RFC3: variants seen among roughly 807,000 people sequenced by gnomAD.
RFC3 encodes the protein A1 38 kDa subunit.
RFC3 carries 41 observed loss-of-function variants against 45.1 expected under a neutral mutation model. That is an observed-to-expected ratio of 0.91 (90% CI 0.71 to 1.18). The LOEUF (loss-of-function observed/expected upper bound fraction) is 1.18. RFC3 is among the 50% of genes most tolerant of loss of function. RFC3 has a pLI of 0.00. For synonymous variants in RFC3, 149 were observed against 144.0 expected, an observed-to-expected ratio of 1.03 and a Z score of -0.25; for missense variants, 423 against 428.1, an observed-to-expected ratio of 0.99 and a Z score of 0.10.
intron 8 of RFC3, among the ~76,000 whole-genome samples, chr13:33,906,492 T>C (rs1766200281): frequency 6.9e-6 from 1 of 145,304 alleles, no homozygotes; most frequent in Admixed American, 6.9e-5. Flanking sequence ...TCACTTTCCA[T>C]GAAGACGCAA....
chr13:33,931,058 T>A (rs145384117), intron 8 of RFC3, among the ~76,000 whole-genome samples: 1 of 152,146 alleles, frequency 6.6e-6, no homozygotes, highest in African/African-American at 2.4e-5. Flanking sequence ...TTACATGATA[T>A]GTAGGACTTA....
chr13:33,903,365 CAGT>C (rs2082653142), intron 8 of RFC3, among the ~76,000 whole-genome samples: 1 of 152,036 alleles, frequency 6.6e-6, no homozygotes, highest in African/African-American at 2.4e-5. Flanking sequence ...CATACAGAAA[CAGT>C]AGGTGTAAAA....
chr13:33,905,549 A>G (rs1023154361), intron 8 of RFC3, among the ~76,000 whole-genome samples: 2 of 152,056 alleles, frequency 1.3e-5, no homozygotes, highest in Non-Finnish European at 2.9e-5. Flanking sequence ...TTATAACAAT[A>G]TCTACATTCT....
chr13:33,907,633 A>G, intron 8 of RFC3, among the ~76,000 whole-genome samples: 1 of 152,016 alleles, frequency 6.6e-6, no homozygotes, highest in Non-Finnish European at 1.5e-5. Context: ...TAATTTAAAT[A>G]TTGATACTAA....
At chr13:33,925,511 C>T (rs367544157) in intron 8 of RFC3, among the ~76,000 whole-genome samples, 11 of 92,530 alleles carry the variant, frequency 1.2e-4, no homozygotes, top group African/African-American at 6.1e-4. Context: ...TACATACATA[C>T]ATAGTGTACT....
At chr13:33,824,700 G>A (rs759520652) in intron 3 of RFC3, among the ~76,000 whole-genome samples, 9 of 152,082 alleles carry the variant, frequency 5.9e-5, no homozygotes, top group Non-Finnish European at 1.3e-4. Flanking sequence ...GGAGCAGGAG[G>A]AATACCATTA....
At chr13:33,915,553 T>C (rs1318178234) in intron 8 of RFC3, among the ~76,000 whole-genome samples, 1 of 152,158 alleles carries the variant, frequency 6.6e-6, no homozygotes, top group African/African-American at 2.4e-5. Flanking sequence ...TAGATTTCTG[T>C]AATGTTCCTC....
At chr13:33,893,661 A>G (rs2137641620) in intron 8 of RFC3, among the ~76,000 whole-genome samples, 1 of 152,212 alleles carries the variant, frequency 6.6e-6, no homozygotes, top group South Asian at 2.1e-4. Flanking sequence ...TTATCAGACT[A>G]ATTTTATGAA....
intron 8 of RFC3, among the ~76,000 whole-genome samples, chr13:33,942,151 C>A (rs1593708478): frequency 6.6e-6 from 1 of 151,830 alleles, no homozygotes; most frequent in East Asian, 1.9e-4. Context: ...AAATCTAATG[C>A]CTGCATCACT....
intron 8 of RFC3, among the ~76,000 whole-genome samples, chr13:33,934,575 C>G (rs2082874102): frequency 6.6e-6 from 1 of 152,062 alleles, no homozygotes; most frequent in South Asian, 2.1e-4. Flanking sequence ...TCTCTTCTTT[C>G]TATAGCTGGT....
chr13:33,883,809 A>T (rs7328228), intron 8 of RFC3, among the ~76,000 whole-genome samples: 5 of 152,000 alleles, frequency 3.3e-5, no homozygotes, highest in Admixed American at 2.6e-4. Context: ...AGGAGAGAGA[A>T]GATCAGGAAA....
In RFC3 at chr13:33,892,133, T is replaced by C. The variant is rs182452499; in HGVS notation, c.879+56916T>C. On this transcript the variant is annotated intron_variant, in intron 8 of 8. Coordinates refer to the RFC3 transcript ENST00000434425. ...CATCATCATAACAGTTCATATGCTGTAAATGTATTGATTTAGCTTTGAGAG... is the reference window on the plus strand; with the variant it reads ...CATCATCATAACAGTTCATATGCTGCAAATGTATTGATTTAGCTTTGAGAG... Among the ~76,000 whole-genome samples the C allele has an allele frequency of 1.4e-4, 21 of 152,366 alleles. No individual in the cohort carries two copies. In the East Asian group the frequency reaches 3.7e-3, roughly 27 times the overall value.
chr13:33,904,741 C>T (rs1289579102), intron 8 of RFC3, among the ~76,000 whole-genome samples: 2 of 152,050 alleles, frequency 1.3e-5, no homozygotes, highest in African/African-American at 4.8e-5. Context: ...ATTTCTTCCA[C>T]ATTTAACATG....
intron 8 of RFC3, among the ~76,000 whole-genome samples, chr13:33,960,152 G>A (rs986822905): frequency 6.6e-6 from 1 of 152,040 alleles, no homozygotes; most frequent in African/African-American, 2.4e-5. Flanking sequence ...TAATACTAGG[G>A]ATTACATTTC....
Position 33,836,389 on chromosome 13 carries a change from C to T in RFC3, c.*94C>T. The stretch of plus-strand genomic sequence containing the variant: ...TGTGGGTAAATTAACTGAACTTAAT[C>T]ATGTCGTATTTGCGTTTTTTTGGTA... On this transcript the variant is annotated 3_prime_UTR_variant, in exon 9 of 9. Transcript: ENST00000380071. 6.6e-7 allele frequency: 1 copy of T among 1,516,572 alleles called. No homozygotes were observed. The highest frequency in any genetic ancestry group is 2.3e-5 in the East Asian group (1 of 43,946). 93.9% of individuals were successfully genotyped at this position (1,516,572 alleles called of 1,614,324 possible).
chr13:33,885,101 A>G (rs2082511716), intron 8 of RFC3, among the ~76,000 whole-genome samples: 1 of 152,184 alleles, frequency 6.6e-6, no homozygotes, highest in Non-Finnish European at 1.5e-5. Flanking sequence ...AAAAATGCCC[A>G]CAAAGTTGAT....
intron 8 of RFC3, among the ~76,000 whole-genome samples, chr13:33,852,921 C>T (rs2082285332): frequency 3.3e-5 from 5 of 152,134 alleles, no homozygotes; most frequent in African/African-American, 1.2e-4. Flanking sequence ...AATGCACAGA[C>T]CAACCTTGTC....
At chr13:33,922,562 G>A (rs370776540) in intron 8 of RFC3, among the ~76,000 whole-genome samples, 1 of 151,636 alleles carries the variant, frequency 6.6e-6, no homozygotes, top group Non-Finnish European at 1.5e-5. Flanking sequence ...CTTTTTTTGG[G>A]CAAACAACAG....
At chr13:33,961,812 G>T (rs2083058964) in intron 8 of RFC3, among the ~76,000 whole-genome samples, 1 of 152,214 alleles carries the variant, frequency 6.6e-6, no homozygotes, top group South Asian at 2.1e-4. Flanking sequence ...TAGTGCTTTG[G>T]AAGCCTTGCA....
Sources: allele counts gnomAD v4.1 joint callset (sites outside exome capture counted in the v4.1 genomes callset), GRCh38; gene constraint gnomAD v4.1.1; transcripts MANE v1.5; gene names NCBI Gene and HGNC (gene_info 2026-07-23, HGNC 2026-07-21).